ARHGEF28: variants seen among roughly 807,000 people sequenced by gnomAD.
ARHGEF28 encodes the protein 190 kDa guanine nucleotide exchange factor.
Under a neutral mutation model 206.6 loss-of-function variants are expected in ARHGEF28, and 152 were observed. The observed-to-expected ratio is 0.74, with a 90% CI of 0.64 to 0.84. ARHGEF28 has a LOEUF of 0.84. Ranked by LOEUF, ARHGEF28 falls within the 40% of genes least tolerant of loss-of-function variation. The pLI is 0.00. For synonymous variants in ARHGEF28, 763 were observed against 776.4 expected (o/e 0.98, Z 0.29); for missense variants, 2,028 against 2,073.2 (o/e 0.98, Z 0.42).
At chr5:73,698,521 C>G (rs951000774) in intron 2 of ARHGEF28, among the ~76,000 whole-genome samples, 6 of 152,004 alleles carry the variant, frequency 3.9e-5, no homozygotes, top group African/African-American at 1.2e-4. Flanking sequence ...AGGGTCTTCC[C>G]TAAGCATTGA....
In ARHGEF28 at chr5:73,901,267, T is replaced by A; in HGVS notation, c.4057T>A (p.Ser1353Thr). 1 of 1,613,172 alleles carries A rather than the reference T, an allele frequency of 6.2e-7. No individual in the cohort carries two copies. The highest frequency in any genetic ancestry group is 1.1e-5 in the South Asian group (1 of 90,846). Residue 1353 changes from serine to threonine, a missense_variant, in exon 31 of 36, where the codon TCT (serine) becomes ACT (threonine). By Grantham distance (58) the Ser-to-Thr change is moderately conservative. This residue lies in a region of ARHGEF28 where 803 missense variants were observed against 768.0 expected (regional missense o/e 1.05). Coordinates refer to ENST00000513042, the MANE Select transcript of ARHGEF28 (RefSeq NM_001177693.2). ...GGGTGTGGTAACCGACTTGGCCGTC[T>A]CTGATGCAGGGGAGAAGGTATTGTG... is the stretch of plus-strand genomic sequence containing the variant. ...IQGVVTDLAV[S>T]DAGEKVECRN...
At chr5:73,735,514 C>T (rs561314779) in intron 2 of ARHGEF28, among the ~76,000 whole-genome samples, 2 of 152,170 alleles carry the variant, frequency 1.3e-5, no homozygotes, top group South Asian at 4.2e-4. Flanking sequence ...AGTCATTGAG[C>T]CAGACCCATG....
At position 73,806,796 on chromosome 5, in the gene ARHGEF28, G is replaced by A. The variant is rs1225668176; in HGVS notation, c.1024+11405G>A. Among the ~76,000 whole-genome samples, 6 of 133,918 alleles carry A rather than the reference G, an allele frequency of 4.5e-5. 1 individual carries two copies. The highest frequency in any genetic ancestry group is 7.3e-5 in the Admixed American group (1 of 13,656). The allele number at this position is 133,918 out of a possible 152,430, so 87.9% of individuals were successfully genotyped here. A position where few individuals can be genotyped will look rare whatever the true frequency, so the allele number is the denominator to read the frequency against. ...ATATGTGCCATATATATGATATATC[G>A]TATACATCTATATGTGCCATATATA... On this transcript the variant is annotated intron_variant, in intron 9 of 35. Coordinates refer to ENST00000513042, the MANE Select transcript of ARHGEF28 (RefSeq NM_001177693.2).
Position 73,846,372 on chromosome 5 carries a change from T to A in ARHGEF28, c.1532T>A (p.Ile511Asn), listed in dbSNP as rs1278554341. 5.6e-6 allele frequency: 9 copies of A among 1,613,834 alleles called. No individual in the cohort carries two copies. Among genetic ancestry groups the A allele is most frequent in the Non-Finnish European group, 7.6e-6 (9 of 1,179,852 alleles). The change falls in exon 12 of 36, where the codon ATT (isoleucine) becomes AAT (asparagine). Residue 511 changes from isoleucine to asparagine, a missense_variant. This residue lies in a region of ARHGEF28 where 1,002 missense variants were observed against 1,015.3 expected (regional missense o/e 0.99). Transcript: ENST00000513042. ...PGSQSSSRTG[I>N]PSGDELDSFE... ...TCTCAGAGCTCCTCAAGAACTGGGA[T>A]TCCTAGTGGGGATGAATTGGACTCT...
chr5:73,772,241 A>C (rs1753263550), intron 4 of ARHGEF28, among the ~76,000 whole-genome samples: 3 of 152,198 alleles, frequency 2.0e-5, no homozygotes, highest in Non-Finnish European at 2.9e-5. Flanking sequence ...TCATTACCAC[A>C]GCCTGCAGGT....
chr5:73,881,037 G>GT (rs34727630), intron 22 of ARHGEF28, among the ~76,000 whole-genome samples: 84 of 146,872 alleles, frequency 5.7e-4, no homozygotes, highest in Middle Eastern at 6.9e-3. Flanking sequence ...TTAAGTTCAG[G>GT]TTTTTTTTTT....
At chr5:73,749,794 G>C in intron 2 of ARHGEF28, 43 bp from the exon 3 acceptor site, 1 of 1,608,466 alleles carries the variant, frequency 6.2e-7, no homozygotes, top group Non-Finnish European at 8.5e-7. Context: ...CTTAGAGCCA[G>C]GACAAGGAAG....
chr5:73,823,240 A>G (rs917326978), intron 9 of ARHGEF28, among the ~76,000 whole-genome samples: 3 of 152,214 alleles, frequency 2.0e-5, no homozygotes, highest in African/African-American at 7.2e-5. Flanking sequence ...ATGGTTAAAA[A>G]CAATTCTGTA....
At chr5:73,658,070 C>G (rs924476892) in intron 1 of ARHGEF28, among the ~76,000 whole-genome samples, 53 of 151,812 alleles carry the variant, frequency 3.5e-4, no homozygotes, top group African/African-American at 1.3e-3. Context: ...AGAGTCCATC[C>G]AATGCTTCAA....
At chr5:73,820,671 C>A (rs1756525834) in intron 9 of ARHGEF28, among the ~76,000 whole-genome samples, 1 of 152,198 alleles carries the variant, frequency 6.6e-6, no homozygotes, top group Admixed American at 6.5e-5. Context: ...GACCTAGATG[C>A]TTCCCCCAGA....
At chr5:73,908,777 A>G (rs1026012343) in intron 33 of ARHGEF28, 3 of 148,306 alleles carry the variant, frequency 2.0e-5, no homozygotes, top group African/African-American at 7.3e-5. Context: ...CCTTCCTGCT[A>G]TAATACAAAG....
chr5:73,838,785 G>GTACAGT (rs1757815455), intron 10 of ARHGEF28, among the ~76,000 whole-genome samples: 1 of 152,168 alleles, frequency 6.6e-6, no homozygotes, highest in South Asian at 2.1e-4. Flanking sequence ...CGTAAGCACA[G>GTACAGT]TACAGTTACC....
chr5:73,731,525 A>C (rs1301139176), intron 2 of ARHGEF28, among the ~76,000 whole-genome samples: 2 of 152,204 alleles, frequency 1.3e-5, no homozygotes, highest in Non-Finnish European at 2.9e-5. Context: ...ACTGTGTCAT[A>C]ATGTACTTCC....
At chr5:73,768,894 A>G (rs1470200974) in intron 4 of ARHGEF28, among the ~76,000 whole-genome samples, 1 of 151,966 alleles carries the variant, frequency 6.6e-6, no homozygotes, top group African/African-American at 2.4e-5. Context: ...TGATTGAATT[A>G]TGGGGATGGG....
chr5:73,632,078 G>A (rs887666929), intron 1 of ARHGEF28, among the ~76,000 whole-genome samples: 4 of 152,152 alleles, frequency 2.6e-5, no homozygotes, highest in South Asian at 2.1e-4. Context: ...GAATATACAC[G>A]TGTTGGTCAG....
rs902424686 is a variant in ARHGEF28 at position 73,886,211 on chromosome 5, C to A, written c.3310+107C>A. ...GTTCAGAATTGCAGGCACACATGCG[C>A]AAACCCTGGGTCAGTTGAAAGATTG... is the stretch of plus-strand genomic sequence containing the variant. On this transcript the variant is annotated intron_variant, in intron 25 of 35. Transcript: ENST00000513042. The A allele has an allele frequency of 2.2e-6, 3 of 1,371,806 alleles. No individual in the cohort carries two copies. In the Admixed American group the frequency reaches 7.7e-5, roughly 35 times the overall value. The allele number at this position is 1,371,806 out of a possible 1,614,324, so 85.0% of individuals were successfully genotyped here.
intron 11 of ARHGEF28, among the ~76,000 whole-genome samples, chr5:73,841,935 A>T (rs1579972253): frequency 6.6e-6 from 1 of 152,156 alleles, no homozygotes; most frequent in African/African-American, 2.4e-5. Flanking sequence ...ATATTTTAAC[A>T]TAAAATTTAT....
At chr5:73,931,704 A>G (rs1320463449) in intron 35 of ARHGEF28, among the ~76,000 whole-genome samples, 1 of 152,192 alleles carries the variant, frequency 6.6e-6, no homozygotes, top group Non-Finnish European at 1.5e-5. Flanking sequence ...TGTCTCTTAA[A>G]TAGTTCTTTG....
chr5:73,764,251 G>C (rs536090175), intron 4 of ARHGEF28, among the ~76,000 whole-genome samples: 1 of 152,250 alleles, frequency 6.6e-6, no homozygotes, highest in East Asian at 1.9e-4. Context: ...TGAATCCTTG[G>C]TCTCCCCATC....
Sources: allele counts gnomAD v4.1 joint callset (sites outside exome capture counted in the v4.1 genomes callset), GRCh38; gene constraint gnomAD v4.1.1; regional missense constraint gnomAD v4.1.1; transcripts MANE v1.5; gene names NCBI Gene and HGNC (gene_info 2026-07-23, HGNC 2026-07-21).